Variants in ANO10 observed in about 807,000 individuals in gnomAD.
ANO10 encodes anoctamin 10, also known as anoctamin-10.
Under a neutral mutation model 74.7 loss-of-function variants are expected in ANO10, and 77 were observed. That is an observed-to-expected ratio of 1.03 (90% CI 0.86 to 1.25). ANO10 has a LOEUF of 1.25. Among genes scored for constraint, ANO10 ranks in the 50% most tolerant of loss-of-function variants. ANO10 has a pLI of 0.00. For synonymous variants in ANO10, 279 were observed against 284.9 expected (o/e 0.98, Z 0.21); for missense variants, 721 against 778.1 (o/e 0.93, Z 0.87).
chr3:43,674,324 T>G (rs1441402996), intron 1 of ANO10, among the ~76,000 whole-genome samples: 4 of 152,132 alleles, frequency 2.6e-5, no homozygotes, highest in Non-Finnish European at 4.4e-5. Context: ...CTTATTTTTA[T>G]TTTTTCGTAG....
intron 11 of ANO10, 69 bp from the exon 12 acceptor site, chr3:43,432,796 T>C: frequency 2.0e-6 from 2 of 1,005,758 alleles, no homozygotes; most frequent in Middle Eastern, 2.1e-4. Context: ...TAAATTGATA[T>C]CTAAGCAATC....
chr3:43,501,598 TGAAA>T, intron 11 of ANO10, among the ~76,000 whole-genome samples: 1 of 152,100 alleles, frequency 6.6e-6, no homozygotes, highest in Non-Finnish European at 1.5e-5. Flanking sequence ...GAAGAGAGGT[TGAAA>T]GAGGCCAAAA....
At position 43,600,409 on chromosome 3, in the gene ANO10, G is replaced by A; in HGVS notation, c.312C>T (p.Thr104=). Residue 104 remains threonine (T), a synonymous_variant, in exon 3 of 13, where the codon ACC becomes ACT. Transcript: ENST00000292246. ...DNTMRAFTYR[T]RQNFKGFDDN... is the part of the protein sequence containing the mutation. ...CATCAAAACCTTTGAAGTTCTGTCT[G>A]GTTCTGTATGTGAAGGCTCTCATGG... The A allele has an allele frequency of 6.2e-7, 1 of 1,614,020 alleles. No individual in the cohort carries two copies. Among genetic ancestry groups the A allele is most frequent in the Non-Finnish European group, 8.5e-7 (1 of 1,179,952 alleles).
chr3:43,528,257 A>G (rs2078298299), intron 11 of ANO10, among the ~76,000 whole-genome samples: 1 of 152,158 alleles, frequency 6.6e-6, no homozygotes, highest in Non-Finnish European at 1.5e-5. Context: ...AAAATAAAAC[A>G]GACATTGAGA....
intron 11 of ANO10, among the ~76,000 whole-genome samples, chr3:43,433,469 G>T (rs764302822): frequency 3.3e-5 from 5 of 152,064 alleles, no homozygotes; most frequent in Non-Finnish European, 7.4e-5. Flanking sequence ...TAAAAATAAG[G>T]TGTCATGAAT....
chr3:43,672,172 C>T (rs2149577833), intron 1 of ANO10, among the ~76,000 whole-genome samples: 1 of 152,250 alleles, frequency 6.6e-6, no homozygotes, highest in African/African-American at 2.4e-5. Flanking sequence ...GGCACTTATG[C>T]ATGTGTGTTC....
chr3:43,427,673 T>G (rs540620384), intron 12 of ANO10, among the ~76,000 whole-genome samples: 13 of 152,200 alleles, frequency 8.5e-5, no homozygotes, highest in African/African-American at 3.1e-4. Context: ...AGAAGCTCTC[T>G]CTGCTTTTGT....
Position 43,375,863 on chromosome 3 carries a change from G to A in ANO10, c.1915-8889C>T, listed in dbSNP as rs1166608459. ...AATTTAATGCCATATAATATTTTTTGTTTGTTCATTTTTGTTTGTTTTTAC... is the reference window on the plus strand; with the variant it reads ...AATTTAATGCCATATAATATTTTTTATTTGTTCATTTTTGTTTGTTTTTAC... On this transcript the variant is annotated intron_variant, in intron 12 of 12. Transcript: ENST00000292246. Among the ~76,000 whole-genome samples the A allele has an allele frequency of 2.0e-5, 3 of 152,156 alleles. No homozygotes were observed. In the South Asian group the frequency reaches 6.2e-4, roughly 32 times the overall value.
intron 1 of ANO10, among the ~76,000 whole-genome samples, chr3:43,651,461 A>G (rs1190139731): frequency 6.6e-6 from 1 of 152,230 alleles, no homozygotes; most frequent in African/African-American, 2.4e-5. Flanking sequence ...CCCGTGGTAC[A>G]TGTGGAAGAG....
intron 12 of ANO10, among the ~76,000 whole-genome samples, chr3:43,385,765 G>A (rs1285155661): frequency 1.5e-5 from 2 of 132,294 alleles, no homozygotes; most frequent in African/African-American, 2.7e-5. Context: ...GGATGGGGGG[G>A]AAGGATGGGA....
At chr3:43,672,548 C>G (rs1028163674) in intron 1 of ANO10, among the ~76,000 whole-genome samples, 2 of 151,930 alleles carry the variant, frequency 1.3e-5, no homozygotes, top group Non-Finnish European at 1.5e-5. Flanking sequence ...AAAAAACAAA[C>G]AAACAAACAA....
intron 2 of ANO10, among the ~76,000 whole-genome samples, chr3:43,602,113 C>T (rs752787114): frequency 1.3e-5 from 2 of 152,170 alleles, no homozygotes; most frequent in Non-Finnish European, 2.9e-5. Context: ...TCCTTCCTTT[C>T]CTCTCTCCTT....
At chr3:43,410,520 T>C (rs2092648182) in intron 12 of ANO10, among the ~76,000 whole-genome samples, 1 of 152,220 alleles carries the variant, frequency 6.6e-6, no homozygotes, top group Admixed American at 6.5e-5. Context: ...AAGGCAATAC[T>C]ATTTGAATTT....
intron 1 of ANO10, among the ~76,000 whole-genome samples, chr3:43,669,384 G>GC (rs936075320): frequency 2.0e-5 from 3 of 152,014 alleles, no homozygotes; most frequent in African/African-American, 7.3e-5. Context: ...AAATGTGAGG[G>GC]CCCCCCATGA....
chr3:43,464,677 T>TAA (rs199966650), intron 11 of ANO10, among the ~76,000 whole-genome samples: 1 of 150,852 alleles, frequency 6.6e-6, no homozygotes, highest in East Asian at 1.9e-4. Context: ...AGACCCCATA[T>TAA]AAAAAAAAAT....
chr3:43,576,722 G>C lies in ANO10; in HGVS notation c.1132C>G (p.Arg378Gly), dbSNP rs773121159. The C allele has an allele frequency of 6.2e-7, 1 of 1,614,126 alleles. No homozygotes were observed. Among genetic ancestry groups the C allele is most frequent in the Non-Finnish European group, 8.5e-7 (1 of 1,180,028 alleles). The change falls in exon 6 of 13, where the codon CGA becomes GGA. Residue 378 changes from arginine to glycine, a missense_variant. Physicochemically the swap from Arg to Gly is moderately radical, Grantham distance 125. Coordinates refer to ENST00000292246, the MANE Select transcript of ANO10 (RefSeq NM_018075.5). Reference sequence around the variant, plus strand: ...GAAGTTAAAAACTCGGCAGCATATCGATAGAGACGATTCATGATCTCAATC... The same window carrying C: ...GAAGTTAAAAACTCGGCAGCATATCCATAGAGACGATTCATGATCTCAATC... The part of the protein sequence containing the change: ...IVIEIMNRLY[R>G]YAAEFLTSWE...
chr3:43,518,141 C>A (rs752587036), intron 11 of ANO10, among the ~76,000 whole-genome samples: 1 of 152,084 alleles, frequency 6.6e-6, no homozygotes, highest in South Asian at 2.1e-4. Context: ...AGTCAGGAAC[C>A]CTGAACGGAG....
At position 43,545,483 on chromosome 3, in the gene ANO10, A is replaced by G. The variant is rs578214615; in HGVS notation, c.1797+4237T>C. On this transcript the variant is annotated intron_variant, in intron 11 of 12. Coordinates refer to ENST00000292246, the MANE Select transcript of ANO10 (RefSeq NM_018075.5). ...CTGCCTCAAGCGATTCCCCTGCCTCAGTCTCCCGAGTAGCTGGGATTACAG... is the reference window on the plus strand; with the variant it reads ...CTGCCTCAAGCGATTCCCCTGCCTCGGTCTCCCGAGTAGCTGGGATTACAG... Among the ~76,000 whole-genome samples, 7 of 152,192 alleles carry G rather than the reference A, an allele frequency of 4.6e-5. No homozygotes were observed. In the South Asian group the frequency reaches 1.5e-3, roughly 32 times the overall value.
At chr3:43,531,050 ATTC>A (rs1470635857) in intron 11 of ANO10, among the ~76,000 whole-genome samples, 1 of 152,240 alleles carries the variant, frequency 6.6e-6, no homozygotes, top group African/African-American at 2.4e-5. Flanking sequence ...AAACTTGGGT[ATTC>A]TTTTAACTAA....
Sources: allele counts gnomAD v4.1 joint callset (sites outside exome capture counted in the v4.1 genomes callset), GRCh38; gene constraint gnomAD v4.1.1; transcripts MANE v1.5; gene names NCBI Gene and HGNC (gene_info 2026-07-23, HGNC 2026-07-21).